The following GBE1 variants were observed in gnomAD, a reference collection of about 807,000 sequenced individuals.
GBE1 encodes the protein 1,4-alpha-glucan-branching enzyme.
Under a neutral mutation model 88.8 loss-of-function variants are expected in GBE1, and 70 were observed. The observed-to-expected ratio is 0.79, with a 90% CI of 0.65 to 0.96. The LOEUF is 0.96. GBE1 is among the 40% of genes least tolerant of loss of function. The pLI is 0.00. For missense variants in GBE1, 872 were observed against 871.0 expected (o/e 1.00, Z -0.01); for synonymous variants, 284 against 300.1 (o/e 0.95, Z 0.56).
chr3:81,722,897 T>TAC (rs1491112236), intron 1 of GBE1, among the ~76,000 whole-genome samples: 1 of 121,880 alleles, frequency 8.2e-6, no homozygotes, highest in African/African-American at 3.5e-5. Flanking sequence ...TGTGTGTGTG[T>TAC]ATATATATAT....
intron 2 of GBE1, among the ~76,000 whole-genome samples, chr3:81,697,268 AG>A (rs1434656036): frequency 1.3e-5 from 2 of 151,748 alleles, no homozygotes; most frequent in African/African-American, 2.4e-5. Context: ...AGACACGCAT[AG>A]GGTAAGGTAT....
chr3:81,571,200 T>C (rs1703569491), intron 12 of GBE1, among the ~76,000 whole-genome samples: 1 of 152,196 alleles, frequency 6.6e-6, no homozygotes, highest in African/African-American at 2.4e-5. Context: ...CATATACCTT[T>C]TTACTTATTT....
chr3:81,518,254 G>C (rs903798822), intron 14 of GBE1, among the ~76,000 whole-genome samples: 1 of 151,456 alleles, frequency 6.6e-6, no homozygotes, highest in East Asian at 1.9e-4. Flanking sequence ...GAAGTGAAGA[G>C]ACCATCATTG....
chr3:81,515,704 G>T (rs1338237857), intron 14 of GBE1, among the ~76,000 whole-genome samples: 1 of 151,724 alleles, frequency 6.6e-6, no homozygotes, highest in Non-Finnish European at 1.5e-5. Context: ...TAGCCAAGTT[G>T]TGAACGCAAA....
intron 12 of GBE1, among the ~76,000 whole-genome samples, chr3:81,556,541 T>C (rs1359472019): frequency 1.3e-5 from 2 of 152,100 alleles, no homozygotes; most frequent in African/African-American, 2.4e-5. Context: ...TCAAGACTCA[T>C]GAATATCTAA....
At chr3:81,494,660 TGA>T (rs1377144593) in intron 15 of GBE1, among the ~76,000 whole-genome samples, 1 of 152,160 alleles carries the variant, frequency 6.6e-6, no homozygotes, top group Non-Finnish European at 1.5e-5. Flanking sequence ...TATACAGCCA[TGA>T]GTTTCATTTT....
chr3:81,491,312 A>G (rs1475689757), intron 15 of GBE1, among the ~76,000 whole-genome samples: 1 of 152,106 alleles, frequency 6.6e-6, no homozygotes, highest in Non-Finnish European at 1.5e-5. Flanking sequence ...TTTGTGAATG[A>G]TTTTTCAGGT....
chr3:81,721,252 A>C lies in GBE1; in HGVS notation c.144-15639T>G, dbSNP rs1706030572. ...ATAAATAAAAACACATGAAAAAAAAAAAAAAGAAAGAAAACCCAAAGCTAA... is the reference window on the plus strand; with the variant it reads ...ATAAATAAAAACACATGAAAAAAAACAAAAAGAAAGAAAACCCAAAGCTAA... On this transcript the variant is annotated intron_variant, in intron 1 of 15. Coordinates refer to ENST00000429644, the MANE Select transcript of GBE1 (RefSeq NM_000158.4). Among the ~76,000 whole-genome samples the C allele has an allele frequency of 5.0e-5, 5 of 100,118 alleles. 1 individual carries two copies. The highest frequency in any genetic ancestry group is 4.9e-4 in the Admixed American group (5 of 10,256). 65.7% of individuals were successfully genotyped at this position (100,118 alleles called of 152,430 possible).
intron 12 of GBE1, among the ~76,000 whole-genome samples, chr3:81,541,453 C>A (rs1003495900): frequency 2.0e-5 from 3 of 150,772 alleles, no homozygotes; most frequent in Admixed American, 1.3e-4. Flanking sequence ...GCAAGTTGCC[C>A]CCCCCGCCAC....
chr3:81,679,805 T>C (rs75776049), intron 2 of GBE1, among the ~76,000 whole-genome samples: 5,379 of 152,346 alleles, frequency 0.035, 130 homozygotes, highest in Non-Finnish European at 0.054. Context: ...GAGGCTTACT[T>C]TGTAGCTCAA....
chr3:81,743,448 C>G (rs1485929311), intron 1 of GBE1: 2 of 727,470 alleles, frequency 2.7e-6, no homozygotes, highest in African/African-American at 3.5e-5. Flanking sequence ...ACATACACCC[C>G]CACAATATTA....
At chr3:81,506,893 C>T (rs551976947) in intron 14 of GBE1, among the ~76,000 whole-genome samples, 5 of 152,006 alleles carry the variant, frequency 3.3e-5, no homozygotes, top group East Asian at 1.9e-4. Flanking sequence ...TAAAGAGGAA[C>T]GACACACTCT....
intron 1 of GBE1, chr3:81,743,416 G>A: frequency 1.6e-5 from 9 of 573,440 alleles, no homozygotes; most frequent in South Asian, 6.9e-5. Flanking sequence ...AAGACACAAG[G>A]CACACACACA....
intron 7 of GBE1, among the ~76,000 whole-genome samples, chr3:81,632,061 T>C (rs911598454): frequency 6.6e-6 from 1 of 152,176 alleles, no homozygotes; most frequent in Non-Finnish European, 1.5e-5. Context: ...ATGCAGTGTT[T>C]GGTTTTCTGT....
chr3:81,704,190 A>G, intron 2 of GBE1, among the ~76,000 whole-genome samples: 1 of 152,038 alleles, frequency 6.6e-6, no homozygotes, highest in South Asian at 2.1e-4. Context: ...ATTTTACTCT[A>G]CTGTTCTCCT....
chr3:81,526,801 A>G (rs181971002), intron 14 of GBE1, among the ~76,000 whole-genome samples: 203 of 152,252 alleles, frequency 1.3e-3, no homozygotes, highest in African/African-American at 4.6e-3. Flanking sequence ...TTCCCAAGGT[A>G]ATTTACAGAT....
intron 7 of GBE1, among the ~76,000 whole-genome samples, chr3:81,606,948 C>A (rs538093523): frequency 1.8e-4 from 28 of 152,252 alleles, no homozygotes; most frequent in Admixed American, 4.6e-4. Flanking sequence ...TTAGTTGTTG[C>A]TGTATTCCCA....
intron 11 of GBE1, among the ~76,000 whole-genome samples, chr3:81,579,196 G>C (rs562022116): frequency 9.9e-5 from 15 of 151,904 alleles, no homozygotes; most frequent in Non-Finnish European, 2.1e-4. Flanking sequence ...AAATTTAATT[G>C]TTAAGGATTT....
At chr3:81,591,219 C>A in intron 8 of GBE1, 55 bp from the exon 9 acceptor site, 7 of 1,346,092 alleles carry the variant, frequency 5.2e-6, no homozygotes, top group Non-Finnish European at 7.1e-6. Flanking sequence ...AGTCTTAACT[C>A]TGCACAAATA....
Sources: allele counts gnomAD v4.1 joint callset (sites outside exome capture counted in the v4.1 genomes callset), GRCh38; gene constraint gnomAD v4.1.1; transcripts MANE v1.5; gene names NCBI Gene and HGNC (gene_info 2026-07-23, HGNC 2026-07-21).